GLDN: variants seen among roughly 807,000 people sequenced by gnomAD.
GLDN encodes gliomedin.
Under a neutral mutation model 56.5 loss-of-function variants are expected in GLDN, and 47 were observed. The observed-to-expected ratio is 0.83, with a 90% confidence interval of 0.66 to 1.06. The LOEUF (loss-of-function observed/expected upper bound fraction) is 1.06, where lower values mean the gene tolerates loss of function less well. Among genes scored for constraint, GLDN ranks in the 50% least tolerant of loss-of-function variants. The probability of loss-of-function intolerance (pLI) is 0.00; values close to 1 mark genes in which losing one functional copy is unlikely to be tolerated. For missense variants in GLDN, 782 were observed against 714.3 expected, an observed-to-expected ratio of 1.09 and a Z score of -1.08; for synonymous variants, 332 against 278.8, an observed-to-expected ratio of 1.19 and a Z score of -1.90.
At chr15:51,387,874 A>C (rs1311836912) in intron 4 of GLDN, among the ~76,000 whole-genome samples, 2 of 152,128 alleles carry the variant, frequency 1.3e-5, no homozygotes, top group East Asian at 1.9e-4. Flanking sequence ...GTCTCCGTAC[A>C]CTCAGCTCAT....
At chr15:51,350,436 G>A (rs983996377) in intron 1 of GLDN, among the ~76,000 whole-genome samples, 1 of 152,168 alleles carries the variant, frequency 6.6e-6, no homozygotes, top group African/African-American at 2.4e-5. Flanking sequence ...ACCCCATGCA[G>A]AGCCTGGGAA....
chr15:51,411,567 C>T (rs569112757), downstream of GLDN, among the ~76,000 whole-genome samples: 20 of 152,296 alleles, frequency 1.3e-4, no homozygotes, highest in Admixed American at 9.2e-4. Flanking sequence ...GTGGGCCACA[C>T]GGTCACTGTT....
chr15:51,366,687 A>C (rs1046327578), intron 1 of GLDN, among the ~76,000 whole-genome samples: 5 of 152,206 alleles, frequency 3.3e-5, no homozygotes, highest in African/African-American at 1.2e-4. Context: ...CTGACGCAGG[A>C]TTATTTGAGC....
intron 1 of GLDN, among the ~76,000 whole-genome samples, chr15:51,364,016 T>G (rs938314966): frequency 2.6e-5 from 4 of 152,236 alleles, no homozygotes; most frequent in African/African-American, 9.6e-5. Context: ...TGGCTGCCTT[T>G]AAGATTTTCT....
chr15:51,372,423 C>A (rs908856120), intron 1 of GLDN, among the ~76,000 whole-genome samples: 2 of 152,160 alleles, frequency 1.3e-5, no homozygotes, highest in African/African-American at 2.4e-5. Context: ...GGAGATGAAC[C>A]TGATGGGCCC....
intron 4 of GLDN, among the ~76,000 whole-genome samples, chr15:51,387,892 T>G (rs2141110108): frequency 6.6e-6 from 1 of 152,314 alleles, no homozygotes; most frequent in Middle Eastern, 3.4e-3. Flanking sequence ...CATCTAGTCC[T>G]CAGAACAACC....
intron 1 of GLDN, among the ~76,000 whole-genome samples, chr15:51,353,451 G>A (rs2037113076): frequency 6.6e-6 from 1 of 152,122 alleles, no homozygotes; most frequent in African/African-American, 2.4e-5. Flanking sequence ...CGTGACCACT[G>A]ATGATAAGAT....
Position 51,405,844 on chromosome 15 carries a change from C to T in GLDN, c.*1090C>T, listed in dbSNP as rs1388466463. The T allele has an allele frequency of 6.6e-6, 1 of 152,162 alleles. No individual in the cohort carries two copies. The highest frequency in any genetic ancestry group is 1.5e-5 in the Non-Finnish European group (1 of 68,046). 9.4% of individuals were successfully genotyped at this position (152,162 alleles called of 1,614,324 possible). A position where few individuals can be genotyped will look rare whatever the true frequency, so the allele number is the denominator to read the frequency against. Reference sequence around the variant, plus strand: ...TAAATAAGGTTTTACTGAGCACAGCCACACTCATTTGTTTATGCAGTACGG... The same window carrying T: ...TAAATAAGGTTTTACTGAGCACAGCTACACTCATTTGTTTATGCAGTACGG... On this transcript the variant is annotated 3_prime_UTR_variant, in exon 10 of 10. Transcript: ENST00000335449.
chr15:51,377,170 C>A (rs1452308694), intron 1 of GLDN: 2 of 472,252 alleles, frequency 4.2e-6, no homozygotes, highest in Non-Finnish European at 7.5e-6. Flanking sequence ...CCAGCATCAC[C>A]ACAAACACGA....
Position 51,394,903 on chromosome 15 carries a change from C to T in GLDN, c.610C>T (p.Gln204Ter), listed in dbSNP as rs1490213602. The change falls in exon 5 of 10, where the codon CAG becomes TAG. Residue 204 changes from glutamine (Q) to a stop codon, truncating the protein, a stop_gained. Transcript: ENST00000335449. LOFTEE classifies it high-confidence loss of function. ...EKGDHGELGL[Q>*]GNEGPPGQKG... ...GGGAGACCATGGTGAACTGGGCCTGCAGGGAAATGAGGGCCCACCAGGGCA... is the reference window on the plus strand; with the variant it reads ...GGGAGACCATGGTGAACTGGGCCTGTAGGGAAATGAGGGCCCACCAGGGCA... 1 of 1,613,256 alleles carries T rather than the reference C, an allele frequency of 6.2e-7. No individual in the cohort carries two copies. The highest frequency in any genetic ancestry group is 1.3e-5 in the African/African-American group (1 of 74,990).
At chr15:51,342,585 A>G (rs1169813961) in intron 1 of GLDN, among the ~76,000 whole-genome samples, 3 of 152,196 alleles carry the variant, frequency 2.0e-5, no homozygotes, top group Non-Finnish European at 2.9e-5. Flanking sequence ...TTTAAGTGAA[A>G]ACAGCCCTAG....
intron 1 of GLDN, among the ~76,000 whole-genome samples, chr15:51,374,757 A>ATTTTTT (rs2037595554): frequency 1.7e-5 from 1 of 58,908 alleles, no homozygotes; most frequent in African/African-American, 5.8e-5. Flanking sequence ...TTTTTTTTTG[A>ATTTTTT]GACAGGGTGT....
chr15:51,363,563 A>C (rs1398626307), intron 1 of GLDN, among the ~76,000 whole-genome samples: 1 of 152,254 alleles, frequency 6.6e-6, no homozygotes, highest in Non-Finnish European at 1.5e-5. Context: ...GGTGCTGAGG[A>C]ACAACAAGAA....
At chr15:51,371,877 G>T (rs1037671287) in intron 1 of GLDN, among the ~76,000 whole-genome samples, 2 of 152,150 alleles carry the variant, frequency 1.3e-5, no homozygotes, top group South Asian at 4.1e-4. Context: ...TAGAGACAAG[G>T]TTTCCCCATA....
chr15:51,399,137 CG>C (rs1164135486), intron 6 of GLDN, among the ~76,000 whole-genome samples: 17 of 152,100 alleles, frequency 1.1e-4, no homozygotes, highest in African/African-American at 3.9e-4. Context: ...GTTGAAACTC[CG>C]GGGGCAGCAG....
downstream of GLDN, among the ~76,000 whole-genome samples, chr15:51,409,586 T>C (rs1487033585): frequency 6.6e-6 from 1 of 152,236 alleles, no homozygotes; most frequent in African/African-American, 2.4e-5. Context: ...AATCAGATTC[T>C]TGTGTCTAGC....
intron 4 of GLDN, 73 bp downstream of exon 4, chr15:51,383,965 T>C: frequency 8.8e-7 from 1 of 1,132,704 alleles, no homozygotes; most frequent in South Asian, 1.3e-5. Flanking sequence ...CGACTAAAAC[T>C]GTGTGCAGCA....
chr15:51,381,302 C>T (rs1256801810), intron 2 of GLDN, among the ~76,000 whole-genome samples: 1 of 152,164 alleles, frequency 6.6e-6, no homozygotes, highest in African/African-American at 2.4e-5. Flanking sequence ...ATTATTCTTT[C>T]CACCAGTCTC....
chr15:51,386,101 G>A (rs971149385), intron 4 of GLDN, among the ~76,000 whole-genome samples: 12 of 152,140 alleles, frequency 7.9e-5, no homozygotes, highest in African/African-American at 2.9e-4. Context: ...CCAATCCTTG[G>A]TTTCTGGGAG....
Sources: allele counts gnomAD v4.1 joint callset (sites outside exome capture counted in the v4.1 genomes callset), GRCh38; gene constraint gnomAD v4.1.1; transcripts MANE v1.5; gene names NCBI Gene and HGNC (gene_info 2026-07-23, HGNC 2026-07-21).